Variants in DENND1B observed in about 807,000 individuals in gnomAD.
DENND1B encodes DENN domain-containing protein 1B.
Under a neutral mutation model 90.1 loss-of-function variants are expected in DENND1B, and 59 were observed. That is an observed-to-expected ratio of 0.65 (90% CI 0.53 to 0.81). DENND1B has a LOEUF of 0.81. DENND1B is among the 40% of genes least tolerant of loss of function. The probability of loss-of-function intolerance (pLI) is 0.00; values close to 1 mark genes in which losing one functional copy is unlikely to be tolerated. For synonymous variants in DENND1B, 337 were observed against 324.6 expected (o/e 1.04, Z -0.41); for missense variants, 862 against 912.6 (o/e 0.94, Z 0.71).
At chr1:197,758,051 T>C (rs926805532) in intron 2 of DENND1B, among the ~76,000 whole-genome samples, 12 of 152,208 alleles carry the variant, frequency 7.9e-5, no homozygotes, top group African/African-American at 2.7e-4. Flanking sequence ...GCTGAAGTTG[T>C]ACATGTGAAA....
chr1:197,632,088 A>G (rs1240255746), intron 10 of DENND1B, among the ~76,000 whole-genome samples: 1 of 152,054 alleles, frequency 6.6e-6, no homozygotes, highest in African/African-American at 2.4e-5. Flanking sequence ...GGAGCTAATC[A>G]TCTCTTGCTT....
intron 21 of DENND1B, 61 bp downstream of exon 21, chr1:197,512,810 C>T: frequency 1.3e-6 from 2 of 1,503,334 alleles, no homozygotes; most frequent in Non-Finnish European, 1.8e-6. Context: ...TACCCTTTAT[C>T]ACCAAAAACT....
chr1:197,669,829 T>C (rs555842319), intron 5 of DENND1B, among the ~76,000 whole-genome samples: 1 of 152,158 alleles, frequency 6.6e-6, no homozygotes, highest in East Asian at 1.9e-4. Context: ...AAAGATAAAA[T>C]ATTCAATAAT....
chr1:197,688,960 T>C (rs1028890289), intron 3 of DENND1B: 1 of 215,446 alleles, frequency 4.6e-6, no homozygotes, highest in African/African-American at 2.3e-5. Context: ...AAGCTGAGTT[T>C]GAGCATGGTA....
intron 15 of DENND1B, among the ~76,000 whole-genome samples, chr1:197,570,962 A>G (rs146868796): frequency 3.6e-4 from 55 of 152,296 alleles, no homozygotes; most frequent in African/African-American, 1.3e-3. Context: ...ATGTAAATGA[A>G]TAAGACAGTT....
chr1:197,649,707 C>A (rs550809309), intron 7 of DENND1B, among the ~76,000 whole-genome samples: 1 of 152,126 alleles, frequency 6.6e-6, no homozygotes, highest in African/African-American at 2.4e-5. Flanking sequence ...TCAGCTTATA[C>A]AAAAAGCAAC....
chr1:197,582,072 G>A (rs1307382248), intron 15 of DENND1B, among the ~76,000 whole-genome samples: 1 of 152,040 alleles, frequency 6.6e-6, no homozygotes, highest in Non-Finnish European at 1.5e-5. Context: ...GAAATTCACA[G>A]GACATCTCTG....
intron 2 of DENND1B, chr1:197,734,196 GATA>G (rs1402807100): frequency 1.1e-6 from 1 of 869,910 alleles, no homozygotes; most frequent in African/African-American, 1.8e-5. Flanking sequence ...CTAAAAAGTA[GATA>G]ACTGATTAAA....
At chr1:197,608,084 A>ACTAC (rs1322678499) in intron 12 of DENND1B, among the ~76,000 whole-genome samples, 1 of 150,650 alleles carries the variant, frequency 6.6e-6, no homozygotes, top group Non-Finnish European at 1.5e-5. Context: ...AGTATTTTTT[A>ACTAC]AGTGGTGGTC....
intron 7 of DENND1B, 63 bp downstream of exon 7, chr1:197,652,172 T>C (rs1653290697): frequency 7.3e-7 from 1 of 1,373,464 alleles, no homozygotes; most frequent in Non-Finnish European, 1.0e-6. Flanking sequence ...AAGGTACACG[T>C]GCTCTTAACG....
chr1:197,670,110 AATAGTT>A (rs57115490), intron 5 of DENND1B, among the ~76,000 whole-genome samples: 116,815 of 151,188 alleles, frequency 0.77, 45,411 homozygotes, highest in East Asian at 0.87. Context: ...TCGATTAACA[AATAGTT>A]ATAGTTCATG....
At chr1:197,759,555 G>A (rs1456087541) in intron 2 of DENND1B, among the ~76,000 whole-genome samples, 1 of 151,234 alleles carries the variant, frequency 6.6e-6, no homozygotes, top group East Asian at 1.9e-4. Flanking sequence ...GGCCATCTTT[G>A]GTGAAACTCC....
At chr1:197,657,723 T>C (rs1572218856) in intron 6 of DENND1B, among the ~76,000 whole-genome samples, 1 of 152,152 alleles carries the variant, frequency 6.6e-6, no homozygotes, top group South Asian at 2.1e-4. Flanking sequence ...TGCAGAATTA[T>C]CTTACTACCC....
chr1:197,760,112 T>C (rs954210496), intron 2 of DENND1B, among the ~76,000 whole-genome samples: 6 of 152,200 alleles, frequency 3.9e-5, no homozygotes, highest in Non-Finnish European at 7.4e-5. Context: ...TTAAAATGTA[T>C]AAGATGACTA....
chr1:197,522,294 A>G (rs1376307852), intron 20 of DENND1B, among the ~76,000 whole-genome samples: 1 of 152,100 alleles, frequency 6.6e-6, no homozygotes, highest in Non-Finnish European at 1.5e-5. Flanking sequence ...AATTCAGTTG[A>G]TTAAGGGCTG....
chr1:197,702,235 T>C (rs535946157), intron 3 of DENND1B, among the ~76,000 whole-genome samples: 44 of 152,276 alleles, frequency 2.9e-4, no homozygotes, highest in African/African-American at 8.2e-4. Context: ...TTCACATTAT[T>C]AAGGTAAATC....
intron 2 of DENND1B, 122 bp downstream of exon 2, chr1:197,772,746 A>C (rs1656778767): frequency 7.5e-5 from 54 of 719,658 alleles, no homozygotes; most frequent in Non-Finnish European, 8.2e-5. Flanking sequence ...GATCACCTGA[A>C]CCCGGGAAGG....
At chr1:197,595,058 G>T in intron 14 of DENND1B, 150 bp downstream of exon 14, 1 of 1,072,032 alleles carries the variant, frequency 9.3e-7, no homozygotes, top group Non-Finnish European at 1.3e-6. Flanking sequence ...GAGATGAAAT[G>T]TATGTTTTGA....
chr1:197,554,317 GA>G (rs1671515440), intron 15 of DENND1B, among the ~76,000 whole-genome samples: 1 of 151,980 alleles, frequency 6.6e-6, no homozygotes, highest in South Asian at 2.1e-4. Context: ...TTGCAAGGAG[GA>G]CTTGAAGATG....
Sources: allele counts gnomAD v4.1 joint callset (sites outside exome capture counted in the v4.1 genomes callset), GRCh38; gene constraint gnomAD v4.1.1; transcripts MANE v1.5; gene names NCBI Gene and HGNC (gene_info 2026-07-23, HGNC 2026-07-21).